Variants in KCNQ1 observed in about 807,000 individuals in gnomAD.
The protein encoded by KCNQ1 is potassium voltage-gated channel subfamily KQT member 1.
KCNQ1 carries 49 observed loss-of-function variants against 72.4 expected under a neutral mutation model. The observed-to-expected ratio is 0.68, with a 90% CI of 0.54 to 0.86. The LOEUF (loss-of-function observed/expected upper bound fraction) is 0.86. Ranked by LOEUF, KCNQ1 falls within the 40% of genes least tolerant of loss-of-function variation. KCNQ1 has a pLI of 0.00. For synonymous variants in KCNQ1, 450 were observed against 412.6 expected (o/e 1.09, Z -1.10); for missense variants, 790 against 945.1 (o/e 0.84, Z 2.15).
rs1846174563 is a variant in KCNQ1, at chr11:2,748,610, C to T, written c.1515-20234C>T. 1.3e-5 allele frequency among the ~76,000 whole-genome samples: 2 copies of T among 152,222 alleles called. No homozygotes were observed. The highest frequency in any genetic ancestry group is 2.1e-4 in the South Asian group (1 of 4,836). ...CTGCAGGTGCAGGAGCCCCAGCCAGCCTGGAATGTGGGGGCTCAGAGGCCA... is the reference window on the plus strand; with the variant it reads ...CTGCAGGTGCAGGAGCCCCAGCCAGTCTGGAATGTGGGGGCTCAGAGGCCA... On this transcript the variant is annotated intron_variant, in intron 11 of 15. Coordinates refer to ENST00000155840, the MANE Select transcript of KCNQ1 (RefSeq NM_000218.3). This position sits in a 1 kb window ranked among gnomAD's most constrained non-coding sequence, Gnocchi z 6.2.
chr11:2,719,216 C>A (rs2133927464), intron 11 of KCNQ1, among the ~76,000 whole-genome samples: 1 of 151,568 alleles, frequency 6.6e-6, no homozygotes, highest in East Asian at 1.9e-4. Context: ...GGAGAACACA[C>A]AGAAGGTGGT....
At chr11:2,522,040 C>T (rs1043967255) in intron 1 of KCNQ1, among the ~76,000 whole-genome samples, 1 of 152,248 alleles carries the variant, frequency 6.6e-6, no homozygotes, top group Non-Finnish European at 1.5e-5. Context: ...TCCTGTGTTC[C>T]CGGGCACCCG....
In KCNQ1 at chr11:2,826,679, G is replaced by T. The variant is rs961999289; in HGVS notation, c.1795-21088G>T. Among the ~76,000 whole-genome samples the T allele has an allele frequency of 6.6e-6, 1 of 152,254 alleles. No homozygotes were observed. The highest frequency in any genetic ancestry group is 2.4e-5 in the African/African-American group (1 of 41,468). On this transcript the variant is annotated intron_variant, in intron 15 of 15. Transcript: ENST00000155840. The surrounding 1 kb of genome is among the most constrained non-coding windows in gnomAD (Gnocchi z 4.2). ...GCTCCCAGAGGGAGAACAGAGAGGG[G>T]TGCAGAGGGCCAGAGAGGCACGGGG... is the stretch of plus-strand genomic sequence containing the variant.
At position 2,457,638 on chromosome 11, in the gene KCNQ1, G is replaced by A. The variant is rs1056273750; in HGVS notation, c.386+12154G>A. ...TGGGGAATACAAGAGTGGGGAGGGGGGAAGGGGAGCAAGGTTTGAAAAGTT... is the reference window on the plus strand; with the variant it reads ...TGGGGAATACAAGAGTGGGGAGGGGAGAAGGGGAGCAAGGTTTGAAAAGTT... On this transcript the variant is annotated intron_variant, in intron 1 of 15. Transcript: ENST00000155840. The surrounding 1 kb of genome is among the most constrained non-coding windows in gnomAD (Gnocchi z 5.0). 1.3e-5 allele frequency among the ~76,000 whole-genome samples: 2 copies of A among 151,668 alleles called. 1 individual carries two copies. The highest frequency in any genetic ancestry group is 2.9e-5 in the Non-Finnish European group (2 of 68,018).
rs992719728 is a variant in KCNQ1, at chr11:2,687,165, C to T, written c.1514+25084C>T. The T allele has an allele frequency of 1.9e-4, 75 of 398,614 alleles. 1 individual carries two copies. The South Asian group carries it at 5.3e-3, about 28-fold the overall frequency. 24.7% of individuals were successfully genotyped at this position (398,614 alleles called of 1,614,324 possible). A position where few individuals can be genotyped will look rare whatever the true frequency, so the allele number is the denominator to read the frequency against. On this transcript the variant is annotated intron_variant, in intron 11 of 15. Coordinates refer to ENST00000155840, the MANE Select transcript of KCNQ1 (RefSeq NM_000218.3). This position sits in a 1 kb window ranked among gnomAD's most constrained non-coding sequence, Gnocchi z 5.0. The stretch of plus-strand genomic sequence containing the variant: ...CTGAGCCAGCTTCCTCCACAAAGCA[C>T]AGAAGTCTGCCAAAAGCCCAGGCTG...
intron 1 of KCNQ1, among the ~76,000 whole-genome samples, chr11:2,461,216 C>T (rs1368163500): frequency 1.3e-5 from 2 of 151,412 alleles, no homozygotes; most frequent in East Asian, 3.9e-4. Flanking sequence ...GGGGCTCGGT[C>T]TGCATGTGCA....
chr11:2,683,953 GC>G lies in KCNQ1; in HGVS notation c.1514+21873del. On this transcript the variant is annotated intron_variant, in intron 11 of 15. Transcript: ENST00000155840. This position sits in a 1 kb window ranked among gnomAD's most constrained non-coding sequence, Gnocchi z 4.7. ...CATAGTCAGACAAAACCAGCTGACT[GC>G]TTTTACTTTTTTTTTTTTTTCATTT... 2 of 396,002 alleles carry G rather than the reference GC, an allele frequency of 5.1e-6. No individual in the cohort carries two copies. Among genetic ancestry groups the G allele is most frequent in the Non-Finnish European group, 8.9e-6 (2 of 225,800 alleles). 24.5% of individuals were successfully genotyped at this position (396,002 alleles called of 1,614,324 possible).
Position 2,458,123 on chromosome 11 carries a change from C to A in KCNQ1, c.386+12639C>A, listed in dbSNP as rs73417595. Reference sequence around the variant, plus strand: ...CAGAAGGCAGGGAAGTTATCAGAGGCCCCCTAGGGCCATGTCACTGGAACT... The same window carrying A: ...CAGAAGGCAGGGAAGTTATCAGAGGACCCCTAGGGCCATGTCACTGGAACT... On this transcript the variant is annotated intron_variant, in intron 1 of 15. Coordinates refer to ENST00000155840, the MANE Select transcript of KCNQ1 (RefSeq NM_000218.3). The surrounding 1 kb of genome is among the most constrained non-coding windows in gnomAD (Gnocchi z 4.6). Among the ~76,000 whole-genome samples the A allele has an allele frequency of 3.1e-3, 469 of 152,176 alleles. 2 individuals carry two copies. Among genetic ancestry groups the A allele is most frequent in the African/African-American group, 0.011 (440 of 41,502 alleles).
chr11:2,682,176 T>C lies in KCNQ1; in HGVS notation c.1514+20095T>C, dbSNP rs1294163439. Reference sequence around the variant, plus strand: ...GTATTAAACATATCAAGCTCTCTCCTGACCTTCTCTCCCCTTCCCCAGGCC... The same window carrying C: ...GTATTAAACATATCAAGCTCTCTCCCGACCTTCTCTCCCCTTCCCCAGGCC... On this transcript the variant is annotated intron_variant, in intron 11 of 15. Transcript: ENST00000155840. This position sits in a 1 kb window ranked among gnomAD's most constrained non-coding sequence, Gnocchi z 5.8. 5.0e-6 allele frequency: 2 copies of C among 398,514 alleles called. No homozygotes were observed. Among genetic ancestry groups the C allele is most frequent in the East Asian group, 7.1e-5 (2 of 28,090 alleles). 24.7% of individuals were successfully genotyped at this position (398,514 alleles called of 1,614,324 possible). A position where few individuals can be genotyped will look rare whatever the true frequency, so the allele number is the denominator to read the frequency against.
rs1363272870 is a variant in KCNQ1, at chr11:2,687,537, TG to T, written c.1514+25458del. On this transcript the variant is annotated intron_variant, in intron 11 of 15. Transcript: ENST00000155840. This position sits in a 1 kb window ranked among gnomAD's most constrained non-coding sequence, Gnocchi z 5.0. The stretch of plus-strand genomic sequence containing the variant: ...AGCCTCCTCTGTATGGTCCCTTCCC[TG>T]GTGCACCTACCACAGCCCACTCTGA... 5.0e-6 allele frequency: 2 copies of T among 398,558 alleles called. No homozygotes were observed. Among genetic ancestry groups the T allele is most frequent in the Non-Finnish European group, 8.8e-6 (2 of 226,144 alleles). The allele number at this position is 398,558 out of a possible 1,614,324, so 24.7% of individuals were successfully genotyped here. A position where few individuals can be genotyped will look rare whatever the true frequency, so the allele number is the denominator to read the frequency against.
chr11:2,821,391 G>A (rs374087301), intron 15 of KCNQ1, among the ~76,000 whole-genome samples: 12 of 152,222 alleles, frequency 7.9e-5, no homozygotes, highest in Non-Finnish European at 8.8e-5. Context: ...ACACTTTCTC[G>A]AGAAGTTTCA....
At position 2,698,756 on chromosome 11, in the gene KCNQ1, A is replaced by G. The variant is rs1850720189; in HGVS notation, c.1514+36675A>G. The G allele has an allele frequency of 5.0e-6, 2 of 398,698 alleles. No homozygotes were observed. The highest frequency in any genetic ancestry group is 4.1e-5 in the African/African-American group (2 of 48,568). The allele number at this position is 398,698 out of a possible 1,614,324, so 24.7% of individuals were successfully genotyped here. A position where few individuals can be genotyped will look rare whatever the true frequency, so the allele number is the denominator to read the frequency against. On this transcript the variant is annotated intron_variant, in intron 11 of 15. Transcript: ENST00000155840. The surrounding 1 kb of genome is among the most constrained non-coding windows in gnomAD (Gnocchi z 5.1). ...CTCCCTTGGATCTCAACTCAGAGCC[A>G]TGATGCAGACTCCAGACCGGGATTC...
Position 2,445,126 on chromosome 11 carries a change from G to T in KCNQ1, c.28G>T (p.Ala10Ser). MAAASSPPR[A>S]ERKRWGWGRL... ...GGCCGCGGCCTCCTCCCCGCCCAGG[G>T]CCGAGAGGAAGCGCTGGGGTTGGGG... Residue 10 changes from alanine (A) to serine (S), a missense_variant, in exon 1 of 16, where the codon GCC (alanine) becomes TCC (serine). This residue lies in a region of KCNQ1 where 294 missense variants were observed against 323.3 expected (regional missense o/e 0.91). Coordinates refer to ENST00000155840, the MANE Select transcript of KCNQ1 (RefSeq NM_000218.3). 1 of 1,114,234 alleles carries T rather than the reference G, an allele frequency of 9.0e-7. No individual in the cohort carries two copies. 69.0% of individuals were successfully genotyped at this position (1,114,234 alleles called of 1,614,324 possible).
intron 10 of KCNQ1, chr11:2,635,209 G>T (rs545075850): frequency 2.6e-5 from 4 of 152,166 alleles, no homozygotes; most frequent in East Asian, 1.9e-4. Flanking sequence ...GTCAATTTTG[G>T]CTTTTGTTGC....
At chr11:2,736,755 C>T (rs108961) in intron 11 of KCNQ1, among the ~76,000 whole-genome samples, 65,936 of 152,214 alleles carry the variant, frequency 0.43, 14,831 homozygotes, top group African/African-American at 0.51. Context: ...AGCTGGTATG[C>T]GGCTGCCCTG....
At chr11:2,604,064 C>T (rs946660769) in intron 10 of KCNQ1, among the ~76,000 whole-genome samples, 1 of 152,128 alleles carries the variant, frequency 6.6e-6, no homozygotes, top group Non-Finnish European at 1.5e-5. Context: ...TTTGTTTATC[C>T]ATTTATTTGT....
At position 2,612,348 on chromosome 11, in the gene KCNQ1, G is replaced by A; in HGVS notation, c.1393+23494G>A. On this transcript the variant is annotated intron_variant, in intron 10 of 15. Transcript: ENST00000155840. The surrounding 1 kb of genome is among the most constrained non-coding windows in gnomAD (Gnocchi z 5.5). Reference sequence around the variant, plus strand: ...TCCCCCAACTGGCTGTGGAAAAATTGTCTTCCACAAAACTGGTCCCTCATG... The same window carrying A: ...TCCCCCAACTGGCTGTGGAAAAATTATCTTCCACAAAACTGGTCCCTCATG... The A allele has an allele frequency of 2.5e-6, 1 of 398,664 alleles. No homozygotes were observed. The highest frequency in any genetic ancestry group is 4.4e-6 in the Non-Finnish European group (1 of 226,080). The allele number at this position is 398,664 out of a possible 1,614,324, so 24.7% of individuals were successfully genotyped here.
At chr11:2,660,692 G>C (rs767078804) in intron 10 of KCNQ1, 2 of 398,570 alleles carry the variant, frequency 5.0e-6, no homozygotes, top group Non-Finnish European at 8.8e-6. Context: ...CCCTGCAAAA[G>C]GTGCTGACAA....
rs184753022 is a variant in KCNQ1 at position 2,710,725 on chromosome 11, G to A, written c.1514+48644G>A. Among the ~76,000 whole-genome samples, 372 of 152,282 alleles carry A rather than the reference G, an allele frequency of 2.4e-3. No individual in the cohort carries two copies. Among genetic ancestry groups the A allele is most frequent in the Non-Finnish European group, 3.9e-3 (268 of 68,024 alleles). Reference sequence around the variant, plus strand: ...GACAGTTATCCCAACACCATTTGTTGAAAAGACTCTTCTTTCCTCAGTGAA... The same window carrying A: ...GACAGTTATCCCAACACCATTTGTTAAAAAGACTCTTCTTTCCTCAGTGAA... On this transcript the variant is annotated intron_variant, in intron 11 of 15. Transcript: ENST00000155840. The surrounding 1 kb of genome is among the most constrained non-coding windows in gnomAD (Gnocchi z 4.1).
Sources: gnomAD v4.1 joint callset for allele counts (sites outside exome capture counted in the v4.1 genomes callset) on GRCh38, gnomAD v4.1.1 for gene constraint, gnomAD v4.1.1 regional missense constraint, Gnocchi (gnomAD v3.1) non-coding constraint, MANE v1.5 for transcripts, NCBI Gene and HGNC (gene_info 2026-07-23, HGNC 2026-07-21) for gene names.